PHF20: variants seen among roughly 807,000 people sequenced by gnomAD.
PHF20 encodes the protein PHD finger protein 20.
PHF20 carries 23 observed loss-of-function variants against 113.5 expected under a neutral mutation model. That is an observed-to-expected ratio of 0.20 (90% CI 0.15 to 0.29). PHF20 has a LOEUF of 0.29. PHF20 is among the 10% of genes least tolerant of loss of function. The pLI is 1.00. For missense variants in PHF20, 943 were observed against 1,219.6 expected (o/e 0.77, Z 3.38); for synonymous variants, 434 against 457.3 (o/e 0.95, Z 0.65).
chr20:35,804,589 C>T (rs966986301), intron 2 of PHF20, among the ~76,000 whole-genome samples: 4 of 151,982 alleles, frequency 2.6e-5, no homozygotes, highest in Non-Finnish European at 5.9e-5. Flanking sequence ...CCAGGCTGGT[C>T]TCAAATTTGT....
rs1200631296 is a variant in PHF20, at chr20:35,947,891, T to C, written c.*264T>C. ...TGCACATCGTTGAATGAAGAGAGTC[T>C]TTTTGCACAAACTTCACTTGAAATT... On this transcript the variant is annotated 3_prime_UTR_variant, in exon 18 of 18. Coordinates refer to ENST00000374012, the MANE Select transcript of PHF20 (RefSeq NM_016436.5). The C allele has an allele frequency of 5.9e-6, 2 of 336,980 alleles. No homozygotes were observed. The highest frequency in any genetic ancestry group is 1.1e-5 in the Non-Finnish European group (2 of 183,388). The allele number at this position is 336,980 out of a possible 1,614,324, so 20.9% of individuals were successfully genotyped here.
At chr20:35,838,184 G>T (rs2042475213) in intron 2 of PHF20, among the ~76,000 whole-genome samples, 1 of 152,154 alleles carries the variant, frequency 6.6e-6, no homozygotes, top group African/African-American at 2.4e-5. Flanking sequence ...ATATCCAAAA[G>T]AATTTAAGGT....
chr20:35,861,029 C>T (rs1199466047), intron 5 of PHF20, among the ~76,000 whole-genome samples: 1 of 152,152 alleles, frequency 6.6e-6, no homozygotes, highest in Non-Finnish European at 1.5e-5. Flanking sequence ...CCGGTAGGCC[C>T]TTAAGCACAG....
Position 35,838,068 on chromosome 20 carries a change from G to T in PHF20, c.84-4505G>T, listed in dbSNP as rs559512761. Among the ~76,000 whole-genome samples the T allele has an allele frequency of 3.3e-5, 5 of 152,214 alleles. No homozygotes were observed. The East Asian group carries it at 9.6e-4, about 29-fold the overall frequency. ...CCAATAAAGTTTTTTTTGAATGAGGGAGAAGCTTTACATTAGCTGAGGACG... is the reference window on the plus strand; with the variant it reads ...CCAATAAAGTTTTTTTTGAATGAGGTAGAAGCTTTACATTAGCTGAGGACG... On this transcript the variant is annotated intron_variant, in intron 2 of 17. Coordinates refer to ENST00000374012, the MANE Select transcript of PHF20 (RefSeq NM_016436.5).
At chr20:35,805,379 T>A (rs997372258) in intron 2 of PHF20, among the ~76,000 whole-genome samples, 69 of 146,990 alleles carry the variant, frequency 4.7e-4, no homozygotes, top group African/African-American at 1.5e-3. Flanking sequence ...ATTATTATTA[T>A]TATTATTATT....
Position 35,927,851 on chromosome 20 carries a change from C to T in PHF20, c.2076C>T (p.Tyr692=). ...GLLEENVPEK[Y]TCYVCQDPPG... ...TGGAAGAAAATGTGCCCGAGAAATA[C>T]ACCTGTTATGTTTGCCAAGACCCTC... The change falls in exon 14 of 18, where the codon TAC becomes TAT. Residue 692 remains tyrosine (Y), a synonymous_variant. Coordinates refer to ENST00000374012, the MANE Select transcript of PHF20 (RefSeq NM_016436.5). 1 of 1,613,642 alleles carries T rather than the reference C, an allele frequency of 6.2e-7. No homozygotes were observed. The highest frequency in any genetic ancestry group is 8.5e-7 in the Non-Finnish European group (1 of 1,179,502).
chr20:35,875,588 C>A (rs2054507456), intron 9 of PHF20, among the ~76,000 whole-genome samples: 1 of 151,990 alleles, frequency 6.6e-6, no homozygotes, highest in Non-Finnish European at 1.5e-5. Flanking sequence ...TTCTTCCCAG[C>A]CTGCTCTTCT....
chr20:35,908,848 T>C (rs542738885), intron 10 of PHF20, among the ~76,000 whole-genome samples: 1 of 152,348 alleles, frequency 6.6e-6, no homozygotes, highest in African/African-American at 2.4e-5. Context: ...ATTGCTGGCA[T>C]ATAGAAAAGC....
At chr20:35,925,526 A>G (rs1452200705) in intron 13 of PHF20, among the ~76,000 whole-genome samples, 1 of 151,882 alleles carries the variant, frequency 6.6e-6, no homozygotes, top group African/African-American at 2.4e-5. Context: ...GGCCTCCCAA[A>G]GTGCTGGCTG....
Position 35,854,831 on chromosome 20 carries a change from G to C in PHF20, c.341-3471G>C, listed in dbSNP as rs117905941. 2.0e-3 allele frequency among the ~76,000 whole-genome samples: 310 copies of C among 152,274 alleles called. 1 individual carries two copies. The highest frequency in any genetic ancestry group is 3.8e-3 in the Non-Finnish European group (257 of 68,018). ...TCAGTAGACAGGCTTGGATTCCAAA[G>C]ATAGCTGTCTCAGACTTAATCATGG... On this transcript the variant is annotated intron_variant, in intron 4 of 17. Transcript: ENST00000374012.
At chr20:35,774,087 CTTT>C (rs113868177) in intron 1 of PHF20, among the ~76,000 whole-genome samples, 2 of 143,116 alleles carry the variant, frequency 1.4e-5, no homozygotes, top group Non-Finnish European at 3.1e-5. Context: ...TGTCAATCTT[CTTT>C]TTTTTTTTTT....
chr20:35,858,572 A>G (rs1307483737), intron 5 of PHF20, among the ~76,000 whole-genome samples, 191 bp downstream of exon 5: 1 of 152,052 alleles, frequency 6.6e-6, no homozygotes, highest in Non-Finnish European at 1.5e-5. Context: ...TTTCCTATTT[A>G]TTTATTTGTT....
intron 2 of PHF20, among the ~76,000 whole-genome samples, chr20:35,805,705 C>T (rs1031637868): frequency 5.3e-5 from 8 of 151,886 alleles, no homozygotes; most frequent in African/African-American, 1.9e-4. Flanking sequence ...ATCTCGAATT[C>T]CTGGGCTCAG....
chr20:35,796,003 A>G (rs910540281), intron 1 of PHF20, among the ~76,000 whole-genome samples: 2 of 152,076 alleles, frequency 1.3e-5, no homozygotes, highest in African/African-American at 4.8e-5. Flanking sequence ...GGTGCGCACC[A>G]CCATGCCCAG....
At chr20:35,870,339 G>T (rs2146988066) in intron 7 of PHF20, among the ~76,000 whole-genome samples, 2 of 151,028 alleles carry the variant, frequency 1.3e-5, no homozygotes, top group Non-Finnish European at 3.0e-5. Flanking sequence ...AAATTAGCCG[G>T]GTGTGGTGGC....
chr20:35,889,009 C>CTTTTTTT (rs566960589), intron 9 of PHF20, among the ~76,000 whole-genome samples: 12 of 99,204 alleles, frequency 1.2e-4, no homozygotes, highest in Non-Finnish European at 2.1e-4. Flanking sequence ...CTCTTAGTTT[C>CTTTTTTT]TTTTTTTTTT....
intron 9 of PHF20, 148 bp from the exon 10 acceptor site, chr20:35,899,222 C>A: frequency 1.6e-6 from 1 of 618,578 alleles, no homozygotes; most frequent in Non-Finnish European, 2.8e-6. Context: ...TCTCTCTAAA[C>A]AGTAATTTGA....
chr20:35,907,112 G>A (rs1213844566), intron 10 of PHF20, among the ~76,000 whole-genome samples: 1 of 152,198 alleles, frequency 6.6e-6, no homozygotes, highest in East Asian at 1.9e-4. Context: ...CCAGCCTCGT[G>A]GCTGAGCTCT....
intron 2 of PHF20, among the ~76,000 whole-genome samples, chr20:35,804,458 G>A (rs373935018): frequency 2.0e-5 from 3 of 151,830 alleles, no homozygotes; most frequent in Non-Finnish European, 2.9e-5. Flanking sequence ...GGATGGTTGC[G>A]ATCTCCTGAC....
Sources: allele counts gnomAD v4.1 joint callset (sites outside exome capture counted in the v4.1 genomes callset), GRCh38; gene constraint gnomAD v4.1.1; transcripts MANE v1.5; gene names NCBI Gene and HGNC (gene_info 2026-07-23, HGNC 2026-07-21).